Variants in RFX3 observed in about 807,000 individuals in gnomAD.
RFX3 encodes the protein regulatory factor X3, also known as transcription factor RFX3.
RFX3 carries 14 observed loss-of-function variants against 98.6 expected under a neutral mutation model. The observed-to-expected ratio is 0.14, with a 90% CI of 0.09 to 0.22. The LOEUF (loss-of-function observed/expected upper bound fraction) is 0.22. Among genes scored for constraint, RFX3 ranks in the 10% least tolerant of loss-of-function variants. RFX3 has a pLI of 1.00. For synonymous variants in RFX3, 383 were observed against 328.4 expected (o/e 1.17, Z -1.80); for missense variants, 639 against 926.9 (o/e 0.69, Z 4.03).
intron 2 of RFX3, among the ~76,000 whole-genome samples, chr9:3,368,881 T>C (rs1043541072): frequency 2.0e-5 from 3 of 152,258 alleles, no homozygotes; most frequent in African/African-American, 7.2e-5. Flanking sequence ...GTGGTAATTC[T>C]GATGTAGACG....
intron 6 of RFX3, among the ~76,000 whole-genome samples, chr9:3,291,547 G>T (rs909880635): frequency 6.6e-6 from 1 of 152,056 alleles, no homozygotes; most frequent in Non-Finnish European, 1.5e-5. Flanking sequence ...CACTTCATCA[G>T]ACTGCATAAA....
intron 1 of RFX3, among the ~76,000 whole-genome samples, chr9:3,456,162 T>C (rs1847132468): frequency 6.6e-6 from 1 of 152,196 alleles, no homozygotes; most frequent in African/African-American, 2.4e-5. Context: ...TTATGACCAA[T>C]CCCATGCTCG....
intron 1 of RFX3, among the ~76,000 whole-genome samples, chr9:3,492,601 A>G (rs900468789): frequency 2.0e-5 from 3 of 152,200 alleles, no homozygotes; most frequent in East Asian, 1.9e-4. Flanking sequence ...AGGGTAGTCA[A>G]CAGATAGCTT....
chr9:3,355,597 A>G lies in RFX3; in HGVS notation c.118-8833T>C, dbSNP rs573209241. 5.3e-5 allele frequency among the ~76,000 whole-genome samples: 8 copies of G among 152,044 alleles called. No individual in the cohort carries two copies. In the South Asian group the frequency reaches 8.3e-4, roughly 16 times the overall value. ...AAGAAAATTTAAAAATCCAGTTACA[A>G]TTGGAGACTTCAGCATTCTTTTTTC... On this transcript the variant is annotated intron_variant, in intron 2 of 16. Transcript: ENST00000617270.
chr9:3,383,495 G>A (rs4237147), intron 2 of RFX3, among the ~76,000 whole-genome samples: 40,371 of 151,800 alleles, frequency 0.27, 6,783 homozygotes, highest in African/African-American at 0.47. Context: ...ATCTCTGGAA[G>A]TAGAGCTTAA....
At chr9:3,324,099 G>A in intron 4 of RFX3, 1 of 407,340 alleles carries the variant, frequency 2.5e-6, no homozygotes, top group Non-Finnish European at 5.4e-6. Flanking sequence ...AGTTGGCCTA[G>A]GGAAAAAGGG....
At chr9:3,296,543 G>GTATATATATATATA (rs1184965919) in intron 5 of RFX3, among the ~76,000 whole-genome samples, 1 of 151,838 alleles carries the variant, frequency 6.6e-6, no homozygotes, top group African/African-American at 2.4e-5. Context: ...TTGTTTATAT[G>GTATATATATATATA]TATATATGCA....
intron 6 of RFX3, among the ~76,000 whole-genome samples, chr9:3,291,420 CAAAACA>C (rs1469751741): frequency 2.0e-5 from 3 of 151,340 alleles, no homozygotes; most frequent in African/African-American, 7.3e-5. Flanking sequence ...CAAAACAAAA[CAAAACA>C]AAACAAAACA....
chr9:3,335,012 C>T (rs1429487091), intron 3 of RFX3, among the ~76,000 whole-genome samples: 1 of 151,954 alleles, frequency 6.6e-6, no homozygotes, highest in Non-Finnish European at 1.5e-5. Context: ...ATCCCAGCTA[C>T]TGAAGCTGAG....
intron 1 of RFX3, among the ~76,000 whole-genome samples, chr9:3,515,237 A>G (rs147679629): frequency 2.0e-5 from 3 of 152,306 alleles, no homozygotes; most frequent in Admixed American, 6.5e-5. Context: ...TGCATGACTA[A>G]ATCAAAATTC....
At chr9:3,418,248 TTAGAGTGATTA>T (rs1218120456) in intron 1 of RFX3, among the ~76,000 whole-genome samples, 1 of 152,226 alleles carries the variant, frequency 6.6e-6, no homozygotes, top group Admixed American at 6.5e-5. Flanking sequence ...TCTTACCGCC[TTAGAGTGATTA>T]TAAAGATTCA....
intron 1 of RFX3, among the ~76,000 whole-genome samples, chr9:3,504,871 T>TATATTATATATAAA: frequency 1.3e-5 from 1 of 75,640 alleles, no homozygotes; most frequent in South Asian, 3.7e-4. Context: ...TAATATATAT[T>TATATTATATATAAA]ATATATATTA....
chr9:3,505,300 A>T lies in RFX3; in HGVS notation c.-9+20447T>A, dbSNP rs1250375914. 6.3e-4 allele frequency among the ~76,000 whole-genome samples: 64 copies of T among 101,870 alleles called. 6 individuals carry two copies. The highest frequency in any genetic ancestry group is 2.2e-3 in the African/African-American group (52 of 23,872). The allele number at this position is 101,870 out of a possible 152,430, so 66.8% of individuals were successfully genotyped here. A position where few individuals can be genotyped will look rare whatever the true frequency, so the allele number is the denominator to read the frequency against. Reference sequence around the variant, plus strand: ...AATATATACATTTTTATATTTATATATATATAAATATATATTAATGTATAT... The same window carrying T: ...AATATATACATTTTTATATTTATATTTATATAAATATATATTAATGTATAT... On this transcript the variant is annotated intron_variant, in intron 1 of 16. Transcript: ENST00000617270.
chr9:3,243,066 C>A (rs1002133274), intron 15 of RFX3, among the ~76,000 whole-genome samples: 1 of 151,856 alleles, frequency 6.6e-6, no homozygotes, highest in African/African-American at 2.4e-5. Flanking sequence ...CAGAAAGATT[C>A]TAAACAGCCA....
chr9:3,339,628 C>T (rs1833633185), intron 3 of RFX3, among the ~76,000 whole-genome samples: 1 of 152,184 alleles, frequency 6.6e-6, no homozygotes, highest in Non-Finnish European at 1.5e-5. Flanking sequence ...TCATGGGCCA[C>T]TGTTCCAGGT....
intron 7 of RFX3, among the ~76,000 whole-genome samples, chr9:3,277,919 T>G (rs963561112): frequency 6.6e-6 from 1 of 152,004 alleles, no homozygotes; most frequent in East Asian, 1.9e-4. Flanking sequence ...CTACAAATCC[T>G]ATCATATTGT....
chr9:3,422,995 TAA>T (rs1843588730), intron 1 of RFX3, among the ~76,000 whole-genome samples: 1 of 152,152 alleles, frequency 6.6e-6, no homozygotes, highest in Admixed American at 6.5e-5. Flanking sequence ...CTTGGGAAGA[TAA>T]AAGACAAAAA....
At chr9:3,496,074 G>A (rs1252177405) in intron 1 of RFX3, among the ~76,000 whole-genome samples, 2 of 151,958 alleles carry the variant, frequency 1.3e-5, no homozygotes, top group African/African-American at 4.8e-5. Context: ...TTCATTTTCA[G>A]TTCTCTTATA....
intron 2 of RFX3, among the ~76,000 whole-genome samples, chr9:3,359,872 T>A (rs1193870133): frequency 6.6e-6 from 1 of 152,220 alleles, no homozygotes. Flanking sequence ...TCTAAAATGA[T>A]CAAATGTGAT....
Sources: allele counts gnomAD v4.1 joint callset (sites outside exome capture counted in the v4.1 genomes callset), GRCh38; gene constraint gnomAD v4.1.1; transcripts MANE v1.5; gene names NCBI Gene and HGNC (gene_info 2026-07-23, HGNC 2026-07-21).